PCDH15: variants seen among roughly 807,000 people sequenced by gnomAD.
PCDH15 encodes the protein protocadherin-15.
Under a neutral mutation model 178.5 loss-of-function variants are expected in PCDH15, and 129 were observed. That is an observed-to-expected ratio of 0.72 (90% CI 0.63 to 0.84). The LOEUF (loss-of-function observed/expected upper bound fraction) is 0.84. Among genes scored for constraint, PCDH15 ranks in the 40% least tolerant of loss-of-function variants. PCDH15 has a pLI of 0.00. For missense variants in PCDH15, 2,230 were observed against 2,099.9 expected (o/e 1.06, Z -1.21); for synonymous variants, 800 against 732.0 (o/e 1.09, Z -1.50).
intron 1 of PCDH15, among the ~76,000 whole-genome samples, chr10:54,744,742 T>C (rs1398109350): frequency 1.3e-5 from 2 of 152,124 alleles, no homozygotes; most frequent in African/African-American, 4.8e-5. Context: ...TTACAAAAAG[T>C]ATGTCTCCTT....
chr10:54,301,913 A>G (rs2060172437), intron 8 of PCDH15, among the ~76,000 whole-genome samples: 1 of 152,112 alleles, frequency 6.6e-6, no homozygotes, highest in Non-Finnish European at 1.5e-5. Context: ...ATTTATCTTT[A>G]TATATCCCTT....
chr10:53,850,153 T>C (rs995403283), intron 28 of PCDH15, among the ~76,000 whole-genome samples: 10 of 152,188 alleles, frequency 6.6e-5, no homozygotes, highest in African/African-American at 2.4e-4. Context: ...TGGAGCACCT[T>C]AGTTTATAAT....
intron 32 of PCDH15, among the ~76,000 whole-genome samples, chr10:53,820,594 T>TAAAC (rs1004580767): frequency 2.6e-5 from 4 of 152,080 alleles, no homozygotes; most frequent in African/African-American, 4.8e-5. Context: ...GTATTTGTTT[T>TAAAC]AAACACTTAC....
intron 15 of PCDH15, among the ~76,000 whole-genome samples, chr10:54,103,737 C>T (rs1265825488): frequency 6.6e-6 from 1 of 152,096 alleles, no homozygotes; most frequent in Non-Finnish European, 1.5e-5. Context: ...GCTAACCAGA[C>T]AAATAAATTA....
At chr10:54,719,252 A>G (rs1193689973) in intron 1 of PCDH15, among the ~76,000 whole-genome samples, 6 of 152,148 alleles carry the variant, frequency 3.9e-5, no homozygotes, top group Admixed American at 2.0e-4. Context: ...GGCTATACCA[A>G]CTGGAAGAAA....
intron 2 of PCDH15, among the ~76,000 whole-genome samples, chr10:55,626,221 G>C (rs549803554): frequency 1.3e-5 from 2 of 152,126 alleles, no homozygotes; most frequent in African/African-American, 4.8e-5. Context: ...AGCAGCAGCA[G>C]TTCAAGTTCC....
intron 2 of PCDH15, among the ~76,000 whole-genome samples, chr10:54,956,945 C>A (rs1838506504): frequency 1.3e-5 from 2 of 151,646 alleles, no homozygotes; most frequent in South Asian, 4.1e-4. Flanking sequence ...GGAAGGGAAC[C>A]TTTATCTGTC....
intron 6 of PCDH15, among the ~76,000 whole-genome samples, chr10:54,334,196 GACA>G (rs1322725820): frequency 2.0e-5 from 3 of 152,140 alleles, no homozygotes; most frequent in Non-Finnish European, 4.4e-5. Flanking sequence ...ACAGTTCAGT[GACA>G]ACAACTGTCA....
chr10:54,271,493 G>A (rs1170856221), intron 8 of PCDH15, among the ~76,000 whole-genome samples: 1 of 152,092 alleles, frequency 6.6e-6, no homozygotes, highest in Admixed American at 6.6e-5. Context: ...GATTACAGGC[G>A]TGAGCCACTG....
At chr10:53,836,675 A>T (rs796273017) in intron 29 of PCDH15, among the ~76,000 whole-genome samples, 136 of 152,376 alleles carry the variant, frequency 8.9e-4, no homozygotes, top group African/African-American at 3.1e-3. Context: ...ATTTACAGGC[A>T]TAAACTCTAT....
chr10:54,533,113 A>G (rs770427955), intron 2 of PCDH15, among the ~76,000 whole-genome samples: 11 of 152,130 alleles, frequency 7.2e-5, no homozygotes, highest in African/African-American at 1.2e-4. Context: ...ATTTACTTCA[A>G]TATTTAATAT....
chr10:55,452,733 C>A (rs910601423), intron 2 of PCDH15, among the ~76,000 whole-genome samples: 1 of 152,042 alleles, frequency 6.6e-6, no homozygotes, highest in Admixed American at 6.6e-5. Context: ...CCACTGGCAA[C>A]ATTTCAACAG....
intron 26 of PCDH15, among the ~76,000 whole-genome samples, chr10:53,874,722 A>G (rs1221938871): frequency 8.0e-6 from 1 of 125,528 alleles, no homozygotes. Flanking sequence ...AGAAACAATC[A>G]TAAAAAAGTC....
At position 55,304,712 on chromosome 10, in the gene PCDH15, G is replaced by A. The variant is rs146999296; in HGVS notation, c.-156+14887C>T. ...TTATCTGCACTGAGCTACTCAGTTT[G>A]AACTAATTCCAGTCATTTAATGTAT... On this transcript the variant is annotated intron_variant, in intron 1 of 5. Coordinates refer to the PCDH15 transcript ENST00000458638. Among the ~76,000 whole-genome samples, 761 of 152,218 alleles carry A rather than the reference G, an allele frequency of 5.0e-3. 11 individuals are homozygous for A. The highest frequency in any genetic ancestry group is 0.017 in the African/African-American group (709 of 41,516).
intron 2 of PCDH15, among the ~76,000 whole-genome samples, chr10:55,102,862 A>T (rs575309010): frequency 6.6e-6 from 1 of 152,254 alleles, no homozygotes; most frequent in East Asian, 1.9e-4. Context: ...ACTAGAGAAA[A>T]AAATGTTAAG....
At chr10:53,925,125 T>C (rs900207296) in intron 25 of PCDH15, among the ~76,000 whole-genome samples, 2 of 152,136 alleles carry the variant, frequency 1.3e-5, no homozygotes, top group Non-Finnish European at 2.9e-5. Context: ...TCTTCCACAC[T>C]GTGGAAGCTT....
intron 1 of PCDH15, among the ~76,000 whole-genome samples, chr10:55,189,818 G>T (rs991237191): frequency 3.3e-5 from 5 of 151,684 alleles, no homozygotes; most frequent in Non-Finnish European, 7.4e-5. Context: ...TTAATGAATG[G>T]AGCTGTCACT....
At chr10:54,705,917 T>C (rs1263931159) in intron 1 of PCDH15, among the ~76,000 whole-genome samples, 7 of 152,136 alleles carry the variant, frequency 4.6e-5, no homozygotes, top group Non-Finnish European at 1.0e-4. Context: ...ATAGATGTGG[T>C]ATCAACGGTA....
chr10:55,375,599 A>G (rs950922610), intron 2 of PCDH15, among the ~76,000 whole-genome samples: 1 of 152,152 alleles, frequency 6.6e-6, no homozygotes, highest in Non-Finnish European at 1.5e-5. Context: ...GACAATCCAA[A>G]TAAAAGTTAT....
Sources: allele counts gnomAD v4.1 joint callset (sites outside exome capture counted in the v4.1 genomes callset), GRCh38; gene constraint gnomAD v4.1.1; transcripts MANE v1.5; gene names NCBI Gene and HGNC (gene_info 2026-07-23, HGNC 2026-07-21).